GBF1: variants seen among roughly 807,000 people sequenced by gnomAD.
GBF1 encodes the protein Golgi-specific brefeldin A-resistance guanine nucleotide exchange factor 1.
A neutral mutation model predicts 210.5 loss-of-function variants in GBF1; 114 were observed. The observed-to-expected ratio is 0.54, with a 90% CI of 0.47 to 0.63. GBF1 has a LOEUF of 0.63. Among genes scored for constraint, GBF1 ranks in the 30% least tolerant of loss-of-function variants. The probability of loss-of-function intolerance (pLI) is 0.00; values close to 1 mark genes in which losing one functional copy is unlikely to be tolerated. For missense variants in GBF1, 1,851 were observed against 2,357.7 expected (o/e 0.79, Z 4.45); for synonymous variants, 850 against 889.2 (o/e 0.96, Z 0.78).
intron 3 of GBF1, among the ~76,000 whole-genome samples, chr10:102,305,347 T>C (rs1401802845): frequency 6.6e-6 from 1 of 152,154 alleles, no homozygotes; most frequent in African/African-American, 2.4e-5. Flanking sequence ...GTGCAGTGGC[T>C]CATCCCTGTG....
At chr10:102,230,750 G>C in the GBF1 span, 1 of 1,488,794 alleles carries the variant, frequency 6.7e-7, no homozygotes, top group Admixed American at 2.5e-5. Context: ...GCCGGAGCCA[G>C]CCCGGGGGGG....
intron 29 of GBF1, among the ~76,000 whole-genome samples, chr10:102,374,066 C>G (rs530418095): frequency 6.6e-6 from 1 of 152,256 alleles, no homozygotes; most frequent in East Asian, 1.9e-4. Flanking sequence ...AATTTGAAGA[C>G]AGGCTGGGCG....
Position 102,351,947 on chromosome 10 carries a change from C to T in GBF1, c.519C>T (p.Leu173=), listed in dbSNP as rs748992304. The change falls in exon 6 of 40, where the codon CTC becomes CTT. Residue 173 remains leucine, a synonymous_variant. Coordinates refer to ENST00000369983, the MANE Select transcript of GBF1 (RefSeq NM_001377137.1). ...TCCGGATCTGCTTTGAAATGAGGCT[C>T]AGTGGTAGGTGCTTGGATATTAGCC... ...SCFRICFEMR[L]SELLRKSAEH... The T allele has an allele frequency of 1.3e-6, 2 of 1,543,476 alleles. No individual in the cohort carries two copies. The highest frequency in any genetic ancestry group is 4.5e-5 in the East Asian group (2 of 44,568).
intron 3 of GBF1, among the ~76,000 whole-genome samples, chr10:102,313,862 G>T (rs541470513): frequency 1.3e-4 from 20 of 152,128 alleles, no homozygotes; most frequent in Non-Finnish European, 5.9e-5. Context: ...CACAATTGCA[G>T]GCTGGGCTAG....
In GBF1 at chr10:102,312,014, G is replaced by A. The variant is rs373288167; in HGVS notation, c.164-32037G>A. ...AACTTAGAAAATGTTAAATCTCGCC[G>A]GGCGTGGTAGCTCACGCCTGTAATC... On this transcript the variant is annotated intron_variant, in intron 3 of 39. Transcript: ENST00000369983. 5.9e-5 allele frequency among the ~76,000 whole-genome samples: 9 copies of A among 152,062 alleles called. No homozygotes were observed. In the East Asian group the frequency reaches 7.7e-4, roughly 13 times the overall value.
chr10:102,368,853 T>C lies in GBF1; in HGVS notation c.2973+21T>C, dbSNP rs765850355. 2.7e-6 allele frequency: 4 copies of C among 1,499,602 alleles called. No individual in the cohort carries two copies. The South Asian group carries it at 3.4e-5, about 13-fold the overall frequency. The allele number at this position is 1,499,602 out of a possible 1,614,324, so 92.9% of individuals were successfully genotyped here. Reference sequence around the variant, plus strand: ...GTGAGGTGAGCAGGTGCAGGAACTGTGTACTTGGAGCTCCAAAGGAGGACC... The same window carrying C: ...GTGAGGTGAGCAGGTGCAGGAACTGCGTACTTGGAGCTCCAAAGGAGGACC... On this transcript the variant is annotated intron_variant, in intron 23 of 39. Transcript: ENST00000369983.
the GBF1 span, among the ~76,000 whole-genome samples, chr10:102,240,353 C>T: frequency 2.6e-5 from 4 of 152,252 alleles, no homozygotes; most frequent in Non-Finnish European, 5.9e-5. Context: ...CTGATCTATT[C>T]TGAATTGAAG....
chr10:102,237,043 G>C, the GBF1 span, among the ~76,000 whole-genome samples: 1 of 152,162 alleles, frequency 6.6e-6, no homozygotes, highest in Non-Finnish European at 1.5e-5. Context: ...GGGACGATTC[G>C]GGGATCAGAG....
At chr10:102,368,565 C>A (rs1331082934) in intron 22 of GBF1, 111 bp downstream of exon 22, 2 of 854,200 alleles carry the variant, frequency 2.3e-6, no homozygotes, top group African/African-American at 3.3e-5. Flanking sequence ...GGGGTTCCCC[C>A]TGAGTTTTTG....
At chr10:102,360,045 C>G (rs989579741) in intron 11 of GBF1, 139 bp from the exon 12 acceptor site, 9 of 715,094 alleles carry the variant, frequency 1.3e-5, no homozygotes, top group Non-Finnish European at 2.0e-5. Flanking sequence ...GGATTACAGG[C>G]ATGAGCCATC....
At chr10:102,307,109 C>G (rs771777850) in intron 3 of GBF1, among the ~76,000 whole-genome samples, 15 of 152,192 alleles carry the variant, frequency 9.9e-5, no homozygotes, top group Non-Finnish European at 2.2e-4. Context: ...TTTCCATTTA[C>G]TAATCAGGCC....
chr10:102,270,409 A>G (rs182090862), intron 3 of GBF1, among the ~76,000 whole-genome samples: 23 of 152,268 alleles, frequency 1.5e-4, no homozygotes, highest in Admixed American at 1.4e-3. Context: ...CGGCCTCCCA[A>G]AGTGCTGGGA....
chr10:102,313,717 A>G (rs940246695), intron 3 of GBF1, among the ~76,000 whole-genome samples: 17 of 152,202 alleles, frequency 1.1e-4, no homozygotes, highest in African/African-American at 4.1e-4. Flanking sequence ...TCATTAGGTG[A>G]CTTGGAACTA....
intron 3 of GBF1, among the ~76,000 whole-genome samples, chr10:102,329,722 C>T (rs1482740789): frequency 6.6e-6 from 1 of 152,150 alleles, no homozygotes; most frequent in East Asian, 1.9e-4. Flanking sequence ...CTCGGCCTCC[C>T]AAAGTGCTGG....
Position 102,353,554 on chromosome 10 carries a change from T to C in GBF1, c.585-46T>C, listed in dbSNP as rs764794094. 7 of 1,301,806 alleles carry C rather than the reference T, an allele frequency of 5.4e-6. No individual in the cohort carries two copies. In the South Asian group the frequency reaches 8.3e-5, roughly 15 times the overall value. The allele number at this position is 1,301,806 out of a possible 1,614,324, so 80.6% of individuals were successfully genotyped here. ...TTTGTGGCTGGCATGGAGGGAGACA[T>C]TTGTCATTATCCCTAATGACAGTTG... is the stretch of plus-strand genomic sequence containing the variant. On this transcript the variant is annotated intron_variant, in intron 7 of 39. Transcript: ENST00000369983.
At chr10:102,231,955 G>A in the GBF1 span, 1 of 1,602,838 alleles carries the variant, frequency 6.2e-7, no homozygotes, top group Non-Finnish European at 8.5e-7. Context: ...GGAAGGGGGC[G>A]CGCTTACCGC....
chr10:102,291,645 G>A (rs1339083716), intron 3 of GBF1, among the ~76,000 whole-genome samples: 2 of 152,266 alleles, frequency 1.3e-5, no homozygotes, highest in African/African-American at 2.4e-5. Context: ...AATGGAAAGC[G>A]TGGGAGTGGA....
intron 3 of GBF1, among the ~76,000 whole-genome samples, chr10:102,304,509 C>T (rs1407342856): frequency 6.6e-6 from 1 of 152,142 alleles, no homozygotes; most frequent in African/African-American, 2.4e-5. Flanking sequence ...CATGGTGGCT[C>T]ATGCCTGTAA....
chr10:102,269,599 G>A (rs1225731496), intron 3 of GBF1, among the ~76,000 whole-genome samples: 4 of 152,122 alleles, frequency 2.6e-5, no homozygotes, highest in Admixed American at 6.5e-5. Context: ...GACACTGACA[G>A]GGACTTTTCC....
Sources: gnomAD v4.1 joint callset for allele counts (sites outside exome capture counted in the v4.1 genomes callset) on GRCh38, gnomAD v4.1.1 for gene constraint, MANE v1.5 for transcripts, NCBI Gene and HGNC (gene_info 2026-07-23, HGNC 2026-07-21) for gene names.